Variants in HDAC9 observed in about 807,000 individuals in gnomAD.
HDAC9 encodes histone deacetylase 9.
In HDAC9, 41 loss-of-function variants were observed where a neutral mutation model predicts 139.4. That is an observed-to-expected ratio of 0.29 (90% CI 0.23 to 0.38). The LOEUF is 0.38. Among genes scored for constraint, HDAC9 ranks in the 10% least tolerant of loss-of-function variants. The pLI is 1.00. For missense variants in HDAC9, 1,147 were observed against 1,297.0 expected (o/e 0.88, Z 1.78); for synonymous variants, 517 against 476.2 (o/e 1.09, Z -1.12).
chr7:18,097,441 A>C (rs76513296), intron 1 of HDAC9, among the ~76,000 whole-genome samples: 7,243 of 148,502 alleles, frequency 0.049, 212 homozygotes, highest in Non-Finnish European at 0.061. Flanking sequence ...CGCTTTACCA[A>C]ATAAGTTTTA....
At chr7:18,258,137 G>C (rs1005621527) in intron 2 of HDAC9, among the ~76,000 whole-genome samples, 1 of 152,146 alleles carries the variant, frequency 6.6e-6, no homozygotes, top group African/African-American at 2.4e-5. Context: ...TAAATTTGGA[G>C]ATTTTTCTTT....
chr7:18,701,911 C>T (rs1278676230), intron 12 of HDAC9, among the ~76,000 whole-genome samples: 1 of 152,212 alleles, frequency 6.6e-6, no homozygotes, highest in Non-Finnish European at 1.5e-5. Flanking sequence ...TGAGCAAAAT[C>T]CTCCAGTTTT....
chr7:18,373,188 T>C (rs1784727483), intron 1 of HDAC9, among the ~76,000 whole-genome samples: 2 of 152,214 alleles, frequency 1.3e-5, no homozygotes, highest in South Asian at 4.1e-4. Flanking sequence ...ATAAGTCTAC[T>C]GTAAGTATAC....
At chr7:18,971,254 A>G (rs927170064) in intron 24 of HDAC9, among the ~76,000 whole-genome samples, 2 of 152,344 alleles carry the variant, frequency 1.3e-5, no homozygotes, top group Admixed American at 6.5e-5. Flanking sequence ...AAGTGGGACA[A>G]TTTACATAGT....
chr7:18,177,087 G>C (rs561554950), intron 2 of HDAC9, among the ~76,000 whole-genome samples: 1 of 152,100 alleles, frequency 6.6e-6, no homozygotes, highest in Non-Finnish European at 1.5e-5. Context: ...CTGATAATCC[G>C]CCTACCCATC....
intron 1 of HDAC9, among the ~76,000 whole-genome samples, chr7:18,115,869 T>C (rs1783943287): frequency 6.6e-6 from 1 of 152,246 alleles, no homozygotes; most frequent in South Asian, 2.1e-4. Context: ...AGTAGCTGTC[T>C]CAATTTTTTG....
At position 18,162,308 on chromosome 7, in the gene HDAC9, C is replaced by T. The variant is rs906431370; in HGVS notation, c.-17C>T. 2.0e-5 allele frequency: 30 copies of T among 1,534,938 alleles called. No homozygotes were observed. In the African/African-American group the frequency reaches 2.3e-4, roughly 12 times the overall value. On this transcript the variant is annotated 5_prime_UTR_variant, in exon 2 of 13. Coordinates refer to the HDAC9 transcript ENST00000417496. ...CTGTGAATCTGCATCCTAGTCTTAG[C>T]AGTCCCTCTGATTCTCATGATGAGC... is the stretch of plus-strand genomic sequence containing the variant.
chr7:18,307,610 C>T (rs556366347), intron 1 of HDAC9, among the ~76,000 whole-genome samples: 3 of 152,240 alleles, frequency 2.0e-5, no homozygotes, highest in East Asian at 3.9e-4. Context: ...GTGGGCCAGG[C>T]TGACCAACAT....
intron 1 of HDAC9, among the ~76,000 whole-genome samples, chr7:18,123,349 C>A (rs561808643): frequency 6.6e-6 from 1 of 152,078 alleles, no homozygotes; most frequent in Non-Finnish European, 1.5e-5. Context: ...AATATGTAAC[C>A]CCCCGATTTA....
At chr7:18,813,291 CTTTG>C (rs1478074947) in intron 17 of HDAC9, among the ~76,000 whole-genome samples, 10 of 151,988 alleles carry the variant, frequency 6.6e-5, no homozygotes, top group South Asian at 2.1e-4. Context: ...TTAAAAGTTT[CTTTG>C]TTTGTGAAGT....
intron 1 of HDAC9, among the ~76,000 whole-genome samples, chr7:18,393,953 A>C (rs1416388991): frequency 6.6e-6 from 1 of 152,192 alleles, no homozygotes; most frequent in Non-Finnish European, 1.5e-5. Context: ...ATTCATAGAC[A>C]TGTCTCAGTG....
chr7:18,610,577 C>T (rs1836849145), intron 6 of HDAC9, among the ~76,000 whole-genome samples: 1 of 152,254 alleles, frequency 6.6e-6, no homozygotes, highest in South Asian at 2.1e-4. Flanking sequence ...TCTCAAATAA[C>T]CTGGACTAAG....
intron 2 of HDAC9, among the ~76,000 whole-genome samples, chr7:18,584,474 A>G (rs959288938): frequency 1.1e-4 from 17 of 152,136 alleles, no homozygotes; most frequent in Non-Finnish European, 1.8e-4. Flanking sequence ...TAAGAATTTT[A>G]TATCTATTAT....
chr7:18,722,357 G>T (rs1488269546), intron 12 of HDAC9, among the ~76,000 whole-genome samples: 2 of 152,104 alleles, frequency 1.3e-5, no homozygotes, highest in African/African-American at 4.8e-5. Flanking sequence ...TTTTCTAATG[G>T]TGCTCAATAA....
At chr7:18,600,241 C>G (rs1001703458) in intron 6 of HDAC9, among the ~76,000 whole-genome samples, 2 of 151,982 alleles carry the variant, frequency 1.3e-5, no homozygotes, top group Admixed American at 1.3e-4. Context: ...TTTCCTCAAT[C>G]AGTGGTTTAT....
intron 17 of HDAC9, among the ~76,000 whole-genome samples, chr7:18,797,651 A>G (rs1418473700): frequency 6.6e-6 from 1 of 151,944 alleles, no homozygotes; most frequent in African/African-American, 2.4e-5. Flanking sequence ...AACGTGGCAA[A>G]ACCCCGTGCT....
chr7:18,349,508 G>A (rs938543856), intron 1 of HDAC9, among the ~76,000 whole-genome samples: 1 of 151,964 alleles, frequency 6.6e-6, no homozygotes, highest in Non-Finnish European at 1.5e-5. Flanking sequence ...AATGTTATCT[G>A]CTTTATCCCC....
At chr7:18,953,335 C>T (rs577325011) in intron 23 of HDAC9, among the ~76,000 whole-genome samples, 7 of 152,236 alleles carry the variant, frequency 4.6e-5, no homozygotes, top group East Asian at 1.9e-4. Context: ...CCTAGCCATG[C>T]GCTTTCTGCT....
intron 21 of HDAC9, among the ~76,000 whole-genome samples, chr7:18,857,574 GA>G (rs144824137): frequency 6.6e-6 from 1 of 151,886 alleles, no homozygotes; most frequent in African/African-American, 2.4e-5. Flanking sequence ...TGAACTGGGA[GA>G]AAAAAATCAA....
Sources: gnomAD v4.1 joint callset for allele counts (sites outside exome capture counted in the v4.1 genomes callset) on GRCh38, gnomAD v4.1.1 for gene constraint, MANE v1.5 for transcripts, NCBI Gene and HGNC (gene_info 2026-07-23, HGNC 2026-07-21) for gene names.